The following ATP9B variants were observed in gnomAD, a reference collection of about 807,000 sequenced individuals.
The protein encoded by ATP9B is ATPase phospholipid transporting 9B, also known as probable phospholipid-transporting ATPase IIB.
In ATP9B, 110 loss-of-function variants were observed where a neutral mutation model predicts 146.1. The ratio of observed to expected loss-of-function variants is 0.75; its 90% CI spans 0.65 to 0.88. The LOEUF (loss-of-function observed/expected upper bound fraction) is 0.88, where lower values mean the gene tolerates loss of function less well. ATP9B is among the 40% of genes least tolerant of loss of function. ATP9B has a pLI of 0.00. For missense variants in ATP9B, 1,499 were observed against 1,496.4 expected (o/e 1.00, Z -0.03); for synonymous variants, 604 against 569.7 (o/e 1.06, Z -0.86).
At chr18:79,331,043 G>A (rs1323842577) in intron 17 of ATP9B, among the ~76,000 whole-genome samples, 1 of 152,344 alleles carries the variant, frequency 6.6e-6, no homozygotes, top group Non-Finnish European at 1.5e-5. Context: ...AATAGGATTT[G>A]TAGGTAGCCT....
chr18:79,232,992 C>T (rs1444553584), intron 11 of ATP9B, among the ~76,000 whole-genome samples: 1 of 152,040 alleles, frequency 6.6e-6, no homozygotes, highest in Admixed American at 6.6e-5. Context: ...GGGACAATTT[C>T]AGAAGATAAA....
At chr18:79,137,969 AG>A (rs1185800218) in intron 5 of ATP9B, among the ~76,000 whole-genome samples, 1 of 152,180 alleles carries the variant, frequency 6.6e-6, no homozygotes, top group East Asian at 1.9e-4. Context: ...GTAGGTGTTG[AG>A]GAAATGGGTT....
intron 11 of ATP9B, among the ~76,000 whole-genome samples, chr18:79,244,786 A>C (rs1325219561): frequency 6.6e-6 from 1 of 152,328 alleles, no homozygotes; most frequent in East Asian, 1.9e-4. Context: ...TTCAGTGTGT[A>C]CTATTAGAAA....
chr18:79,084,370 T>C (rs1215916906), intron 1 of ATP9B, among the ~76,000 whole-genome samples: 1 of 152,120 alleles, frequency 6.6e-6, no homozygotes, highest in Non-Finnish European at 1.5e-5. Context: ...TGGTAAAATA[T>C]AGGTAACTTA....
At chr18:79,071,670 T>C (rs1162991933) in intron 1 of ATP9B, among the ~76,000 whole-genome samples, 1 of 152,106 alleles carries the variant, frequency 6.6e-6, no homozygotes, top group African/African-American at 2.4e-5. Context: ...GCTGCTAGCC[T>C]GCCATTCTTT....
chr18:79,178,523 G>T (rs1423347221), intron 8 of ATP9B, among the ~76,000 whole-genome samples: 2 of 152,158 alleles, frequency 1.3e-5, no homozygotes, highest in Non-Finnish European at 2.9e-5. Flanking sequence ...GGGAGTCTCT[G>T]TCAGGGTGAG....
At chr18:79,195,762 A>G (rs576808238) in intron 9 of ATP9B, among the ~76,000 whole-genome samples, 1 of 152,274 alleles carries the variant, frequency 6.6e-6, no homozygotes, top group South Asian at 2.1e-4. Flanking sequence ...CCTGTGGGGG[A>G]TGCACAGTAA....
Position 79,321,475 on chromosome 18 carries a change from C to T in ATP9B, c.1774-7666C>T, listed in dbSNP as rs575219589. On this transcript the variant is annotated intron_variant, in intron 15 of 29. Coordinates refer to ENST00000426216, the MANE Select transcript of ATP9B (RefSeq NM_198531.5). ...TCAGCTCACTGCAACCTCTGCCTCC[C>T]GGGTTCAAGCGATTCTCCTGCCTCA... is the stretch of plus-strand genomic sequence containing the variant. 1.3e-4 allele frequency among the ~76,000 whole-genome samples: 19 copies of T among 151,876 alleles called. No homozygotes were observed. The South Asian group carries it at 1.9e-3, about 15-fold the overall frequency.
intron 17 of ATP9B, among the ~76,000 whole-genome samples, chr18:79,332,212 G>C (rs946166220): frequency 6.6e-5 from 10 of 152,184 alleles, no homozygotes; most frequent in African/African-American, 2.4e-4. Flanking sequence ...GGCAGATCAC[G>C]AGGTCAGGAG....
intron 9 of ATP9B, among the ~76,000 whole-genome samples, chr18:79,205,089 C>T (rs750773706): frequency 2.0e-5 from 3 of 152,196 alleles, no homozygotes; most frequent in Non-Finnish European, 2.9e-5. Context: ...GAGTCTGACC[C>T]TGAGCTGCAC....
intron 11 of ATP9B, among the ~76,000 whole-genome samples, chr18:79,215,935 T>C (rs1416602356): frequency 6.6e-6 from 1 of 152,078 alleles, no homozygotes; most frequent in African/African-American, 2.4e-5. Flanking sequence ...AGTGATCTGC[T>C]CGCCTCAGCC....
chr18:79,113,395 T>G (rs1381540677), intron 4 of ATP9B, 41 bp downstream of exon 4: 1 of 1,215,802 alleles, frequency 8.2e-7, no homozygotes, highest in Non-Finnish European at 1.2e-6. Context: ...TTATGAAATA[T>G]TTAGAATATA....
intron 9 of ATP9B, among the ~76,000 whole-genome samples, chr18:79,200,558 C>G (rs553281775): frequency 6.6e-6 from 1 of 151,926 alleles, no homozygotes; most frequent in Non-Finnish European, 1.5e-5. Context: ...CAGAAAAAAG[C>G]TTAGGAAAAA....
chr18:79,303,829 A>T, intron 14 of ATP9B, 113 bp downstream of exon 14: 1 of 624,770 alleles, frequency 1.6e-6, no homozygotes, highest in Non-Finnish European at 2.8e-6. Context: ...GGTGGTCTTA[A>T]CATCCTGCTA....
intron 19 of ATP9B, chr18:79,340,252 G>C (rs1459358315): frequency 6.6e-6 from 1 of 152,146 alleles, no homozygotes; most frequent in Non-Finnish European, 1.5e-5. Flanking sequence ...TCAATTATTT[G>C]CTAAGTTATA....
At chr18:79,109,328 T>A (rs918819917) in intron 2 of ATP9B, among the ~76,000 whole-genome samples, 1 of 152,208 alleles carries the variant, frequency 6.6e-6, no homozygotes, top group African/African-American at 2.4e-5. Flanking sequence ...TTTCATCATT[T>A]TCTGAGGTAT....
At chr18:79,246,483 A>AG (rs2144873796) in intron 11 of ATP9B, among the ~76,000 whole-genome samples, 1 of 152,362 alleles carries the variant, frequency 6.6e-6, no homozygotes, top group South Asian at 2.1e-4. Flanking sequence ...ATTTTTATTC[A>AG]GGGCCCCCTT....
chr18:79,276,947 G>A, intron 12 of ATP9B, 107 bp from the exon 13 acceptor site: 2 of 1,501,684 alleles, frequency 1.3e-6, no homozygotes, highest in Non-Finnish European at 9.1e-7. Flanking sequence ...TTGGACATGG[G>A]TCTGGATCAC....
chr18:79,125,848 TC>T (rs1411320749), intron 4 of ATP9B, among the ~76,000 whole-genome samples: 1 of 152,240 alleles, frequency 6.6e-6, no homozygotes, highest in Non-Finnish European at 1.5e-5. Flanking sequence ...TGTTTTGTGT[TC>T]CTAAATACTT....
Sources: gnomAD v4.1 joint callset for allele counts (sites outside exome capture counted in the v4.1 genomes callset) on GRCh38, gnomAD v4.1.1 for gene constraint, MANE v1.5 for transcripts, NCBI Gene and HGNC (gene_info 2026-07-23, HGNC 2026-07-21) for gene names.